Variants in SGCZ observed in about 807,000 individuals in gnomAD.
The protein encoded by SGCZ is sarcoglycan zeta.
A neutral mutation model predicts 41.3 loss-of-function variants in SGCZ; 40 were observed. That is an observed-to-expected ratio of 0.97 (90% CI 0.75 to 1.26). The LOEUF is 1.26. SGCZ is among the 50% of genes most tolerant of loss of function. The pLI is 0.00. For missense variants in SGCZ, 552 were observed against 369.8 expected, an observed-to-expected ratio of 1.49 and a Z score of -4.04; for synonymous variants, 206 against 137.5, an observed-to-expected ratio of 1.50 and a Z score of -3.49.
chr8:14,867,746 C>G (rs755286061), intron 1 of SGCZ, among the ~76,000 whole-genome samples: 10 of 151,982 alleles, frequency 6.6e-5, no homozygotes, highest in Non-Finnish European at 1.3e-4. Context: ...GGGAACAACA[C>G]ACACTGGGGC....
intron 1 of SGCZ, among the ~76,000 whole-genome samples, chr8:15,129,820 T>C (rs1169913376): frequency 1.3e-5 from 2 of 151,698 alleles, no homozygotes; most frequent in Non-Finnish European, 2.9e-5. Flanking sequence ...CATAGAAAAT[T>C]AGCTAGGAAG....
intron 1 of SGCZ, among the ~76,000 whole-genome samples, chr8:15,108,695 C>G (rs1806928985): frequency 6.6e-6 from 1 of 152,150 alleles, no homozygotes; most frequent in South Asian, 2.1e-4. Context: ...ACAGTGTTCA[C>G]TCTATATCGA....
chr8:14,803,319 G>A (rs1014683293), intron 1 of SGCZ, among the ~76,000 whole-genome samples: 2 of 152,208 alleles, frequency 1.3e-5, no homozygotes, highest in East Asian at 2.0e-4. Flanking sequence ...TGAGGTACCG[G>A]ATTCATCTCA....
chr8:14,780,190 C>T (rs931714235), intron 1 of SGCZ, among the ~76,000 whole-genome samples: 2 of 151,864 alleles, frequency 1.3e-5, no homozygotes, highest in African/African-American at 4.8e-5. Flanking sequence ...CTGGATAACA[C>T]GGTGAAACCC....
chr8:14,449,188 G>T (rs1800520086), intron 2 of SGCZ, among the ~76,000 whole-genome samples: 1 of 152,084 alleles, frequency 6.6e-6, no homozygotes, highest in African/African-American at 2.4e-5. Context: ...AGCATTCAAG[G>T]GTTTTCTGAC....
intron 1 of SGCZ, among the ~76,000 whole-genome samples, chr8:15,106,434 T>A (rs1806827373): frequency 6.6e-6 from 1 of 152,098 alleles, no homozygotes. Context: ...ACTTTAATTT[T>A]AAATTTTTCT....
chr8:14,169,632 C>T (rs1804314309), intron 4 of SGCZ, among the ~76,000 whole-genome samples: 1 of 152,128 alleles, frequency 6.6e-6, no homozygotes, highest in Admixed American at 6.6e-5. Context: ...AGCCAGTCCA[C>T]AGGGGTATGT....
intron 1 of SGCZ, among the ~76,000 whole-genome samples, chr8:14,566,967 A>C (rs991872786): frequency 6.6e-6 from 1 of 152,194 alleles, no homozygotes; most frequent in Non-Finnish European, 1.5e-5. Flanking sequence ...CCGGGCAGTG[A>C]AGGGCTTAGC....
intron 2 of SGCZ, among the ~76,000 whole-genome samples, chr8:14,520,282 G>A (rs1802750236): frequency 6.6e-6 from 1 of 152,114 alleles, no homozygotes; most frequent in Admixed American, 6.6e-5. Flanking sequence ...CAGCCATAGG[G>A]TTTCTAATCA....
intron 2 of SGCZ, among the ~76,000 whole-genome samples, chr8:14,520,761 G>A (rs1802764530): frequency 1.3e-5 from 2 of 151,930 alleles, no homozygotes; most frequent in African/African-American, 4.8e-5. Context: ...CATTCAAAAG[G>A]AATCTTATGC....
At chr8:14,374,122 A>G (rs1333457291) in intron 2 of SGCZ, among the ~76,000 whole-genome samples, 2 of 152,242 alleles carry the variant, frequency 1.3e-5, no homozygotes, top group African/African-American at 4.8e-5. Context: ...TCACACCTAT[A>G]ATCCCGGCAC....
At chr8:14,990,831 C>G (rs187734045) in intron 1 of SGCZ, among the ~76,000 whole-genome samples, 1 of 151,996 alleles carries the variant, frequency 6.6e-6, no homozygotes. Context: ...GGCTGGGGAC[C>G]GCTGCCTTGA....
intron 2 of SGCZ, among the ~76,000 whole-genome samples, chr8:14,539,012 C>T (rs1563395650): frequency 6.6e-6 from 1 of 151,992 alleles, no homozygotes; most frequent in African/African-American, 2.4e-5. Context: ...GCTGAAGAAA[C>T]ATATTTCAGA....
chr8:14,980,726 T>G (rs1432556132), intron 1 of SGCZ, among the ~76,000 whole-genome samples: 2 of 134,018 alleles, frequency 1.5e-5, no homozygotes, highest in Non-Finnish European at 3.2e-5. Flanking sequence ...AAACTGCCCC[T>G]GTGATTCAAT....
At chr8:14,958,863 G>T (rs1800877350) in intron 1 of SGCZ, among the ~76,000 whole-genome samples, 1 of 152,008 alleles carries the variant, frequency 6.6e-6, no homozygotes, top group Non-Finnish European at 1.5e-5. Context: ...ACATAAATAG[G>T]CAGATATTTA....
At chr8:14,632,300 G>C (rs1271974641) in intron 1 of SGCZ, among the ~76,000 whole-genome samples, 1 of 152,022 alleles carries the variant, frequency 6.6e-6, no homozygotes. Context: ...TAGGATTACA[G>C]GCCTGAGCCA....
intron 1 of SGCZ, among the ~76,000 whole-genome samples, chr8:14,564,232 A>G (rs925548614): frequency 2.6e-5 from 4 of 152,232 alleles, no homozygotes; most frequent in Non-Finnish European, 5.9e-5. Flanking sequence ...CTGGATTCCA[A>G]AACCTCTTCA....
chr8:14,532,441 T>A (rs72607313), intron 2 of SGCZ, among the ~76,000 whole-genome samples: 21,102 of 151,828 alleles, frequency 0.14, 1,721 homozygotes, highest in East Asian at 0.38. Context: ...CTACATAGAT[T>A]TGATAAATGA....
chr8:14,652,360 G>GC (rs1807433452), intron 1 of SGCZ, among the ~76,000 whole-genome samples: 1 of 117,086 alleles, frequency 8.5e-6, no homozygotes, highest in African/African-American at 3.0e-5. Context: ...GGGGGTGTGG[G>GC]GGGGAGAAAA....
Sources: allele counts gnomAD v4.1 joint callset (sites outside exome capture counted in the v4.1 genomes callset), GRCh38; gene constraint gnomAD v4.1.1; transcripts MANE v1.5; gene names NCBI Gene and HGNC (gene_info 2026-07-23, HGNC 2026-07-21).